The following SORL1 variants were observed in gnomAD, a reference collection of about 807,000 sequenced individuals.
SORL1 encodes sortilin-related receptor.
A neutral mutation model predicts 273.7 loss-of-function variants in SORL1; 127 were observed. The ratio of observed to expected loss-of-function variants is 0.46; its 90% CI spans 0.40 to 0.54. SORL1 has a LOEUF of 0.54. Among genes scored for constraint, SORL1 ranks in the 20% least tolerant of loss-of-function variants. SORL1 has a pLI of 0.00. For synonymous variants in SORL1, 1,031 were observed against 1,067.4 expected, an observed-to-expected ratio of 0.97 and a Z score of 0.66; for missense variants, 2,494 against 2,846.1, an observed-to-expected ratio of 0.88 and a Z score of 2.81.
intron 2 of SORL1, among the ~76,000 whole-genome samples, chr11:121,470,931 C>T (rs190486138): frequency 5.8e-4 from 88 of 152,258 alleles, no homozygotes; most frequent in African/African-American, 1.4e-3. Flanking sequence ...TCAAACAATC[C>T]GCCTGCCTCG....
At chr11:121,560,089 G>A (rs1372318495) in intron 21 of SORL1, among the ~76,000 whole-genome samples, 1 of 152,224 alleles carries the variant, frequency 6.6e-6, no homozygotes, top group Non-Finnish European at 1.5e-5. Flanking sequence ...ATTGCTCATT[G>A]ACCGTACCTA....
At chr11:121,514,446 G>A (rs781439107) in intron 8 of SORL1, 125 bp downstream of exon 8, 7 of 912,290 alleles carry the variant, frequency 7.7e-6, no homozygotes, top group Non-Finnish European at 1.1e-5. Flanking sequence ...TCGGAAACCC[G>A]ATGCCTGGCT....
At position 121,490,088 on chromosome 11, in the gene SORL1, G is replaced by C; in HGVS notation, c.736G>C (p.Glu246Gln). Residue 246 changes from glutamate (E) to glutamine (Q), a missense_variant, in exon 5 of 48, where the codon GAA (glutamate) becomes CAA (glutamine). Glu to Gln is a conservative substitution (Grantham distance 29, BLOSUM62 2). Coordinates refer to ENST00000260197, the MANE Select transcript of SORL1 (RefSeq NM_003105.6). ...DFGQTWIMIQ[E>Q]HVKSFSWGID... is the part of the protein sequence containing the mutation. ...TGGCCAGACCTGGATCATGATTCAG[G>C]AACATGTCAAGTCCTTTTCTTGGTA... 2 of 1,613,764 alleles carry C rather than the reference G, an allele frequency of 1.2e-6. No homozygotes were observed. Among genetic ancestry groups the C allele is most frequent in the South Asian group, 2.2e-5 (2 of 91,068 alleles).
chr11:121,631,209 G>GT lies in SORL1; in HGVS notation c.*1651dup. The GT allele has an allele frequency of 6.6e-6, 1 of 152,236 alleles. No individual in the cohort carries two copies. Among genetic ancestry groups the GT allele is most frequent in the South Asian group, 2.1e-4 (1 of 4,822 alleles). The allele number at this position is 152,236 out of a possible 1,614,324, so 9.4% of individuals were successfully genotyped here. ...AAGAAAGAGCCAATTAAATTTTTTA[G>GT]TTTTTGAAATTTTTATTTATATGTA... On this transcript the variant is annotated 3_prime_UTR_variant, in exon 48 of 48. Transcript: ENST00000260197.
At chr11:121,501,518 G>A (rs188834740) in intron 6 of SORL1, among the ~76,000 whole-genome samples, 1 of 152,294 alleles carries the variant, frequency 6.6e-6, no homozygotes, top group Admixed American at 6.5e-5. Flanking sequence ...GCCCGACACT[G>A]GGTTATTTAT....
Position 121,563,803 on chromosome 11 carries a change from C to T in SORL1, c.3050-3137C>T, listed in dbSNP as rs975667794. Among the ~76,000 whole-genome samples the T allele has an allele frequency of 6.6e-6, 1 of 152,178 alleles. No homozygotes were observed. The highest frequency in any genetic ancestry group is 1.9e-4 in the East Asian group (1 of 5,200). On this transcript the variant is annotated intron_variant, in intron 21 of 47. Transcript: ENST00000260197. The surrounding 1 kb of genome is among the most constrained non-coding windows in gnomAD (Gnocchi z 4.2). ...TTGTTGATGTATTCAGTTGCTCCTG[C>T]GATGGCTCTTGGAGCTTTGGAATTC...
At chr11:121,559,445 G>A (rs868156118) in intron 20 of SORL1, 74 bp from the exon 21 acceptor site, 4 of 1,459,932 alleles carry the variant, frequency 2.7e-6, no homozygotes, top group South Asian at 2.6e-5. Flanking sequence ...CTGCCTGGGG[G>A]AACTCTTACC....
chr11:121,471,597 GC>G (rs1401130857), intron 2 of SORL1, among the ~76,000 whole-genome samples: 1 of 152,204 alleles, frequency 6.6e-6, no homozygotes, highest in East Asian at 1.9e-4. Context: ...TGATGAATTT[GC>G]CAGCACTTTC....
chr11:121,610,463 AAG>A (rs1863546441), intron 38 of SORL1: 1 of 152,234 alleles, frequency 6.6e-6, no homozygotes, highest in Non-Finnish European at 1.5e-5. Flanking sequence ...AAGGAAGAGA[AAG>A]AGAGTATCAG....
At chr11:121,474,048 C>T (rs865830208) in intron 2 of SORL1, among the ~76,000 whole-genome samples, 11 of 152,310 alleles carry the variant, frequency 7.2e-5, no homozygotes, top group South Asian at 2.1e-4. Flanking sequence ...AGAGGGAGGC[C>T]GATGTCTGGC....
chr11:121,586,706 G>T (rs375731020), intron 27 of SORL1, among the ~76,000 whole-genome samples: 10 of 10,358 alleles, frequency 9.7e-4, no homozygotes, highest in East Asian at 2.3e-3. Context: ...GGGGGGGGGC[G>T]GGGGGGGGGC....
At position 121,463,415 on chromosome 11, in the gene SORL1, G is replaced by A. The variant is rs572824001; in HGVS notation, c.286-6592G>A. Among the ~76,000 whole-genome samples the A allele has an allele frequency of 1.3e-4, 20 of 152,348 alleles. No individual in the cohort carries two copies. The South Asian group carries it at 1.7e-3, about 13-fold the overall frequency. ...GTTCACCAGGACAGAGTGGCACACA[G>A]AGGTAAACAGTAGATAGGTTCTCGC... On this transcript the variant is annotated intron_variant, in intron 1 of 47. Transcript: ENST00000260197.
chr11:121,565,138 C>T (rs1565338168), intron 21 of SORL1, among the ~76,000 whole-genome samples: 1 of 152,304 alleles, frequency 6.6e-6, no homozygotes, highest in Non-Finnish European at 1.5e-5. Context: ...GCTGGTTAGT[C>T]TGCTATGGTA....
At chr11:121,585,914 A>G (rs1863097542) in intron 26 of SORL1, among the ~76,000 whole-genome samples, 1 of 152,194 alleles carries the variant, frequency 6.6e-6, no homozygotes, top group African/African-American at 2.4e-5. Flanking sequence ...CAGTTTTGCA[A>G]TGCAACACTT....
chr11:121,488,532 G>A (rs188912308), intron 4 of SORL1, among the ~76,000 whole-genome samples: 3 of 152,210 alleles, frequency 2.0e-5, no homozygotes, highest in Admixed American at 6.5e-5. Flanking sequence ...GGAGAAAGCT[G>A]GAATCTGAGC....
intron 39 of SORL1, chr11:121,612,030 A>G (rs1863571617): frequency 6.6e-6 from 1 of 152,376 alleles, no homozygotes; most frequent in South Asian, 2.1e-4. Flanking sequence ...AATCCCAGCT[A>G]CTTGGAGGCT....
At chr11:121,570,328 C>T in intron 23 of SORL1, 58 bp downstream of exon 23, 1 of 1,355,850 alleles carries the variant, frequency 7.4e-7, no homozygotes, top group Admixed American at 1.7e-5. Flanking sequence ...CTGGTTGGCT[C>T]TTCCCAGGCT....
At position 121,558,809 on chromosome 11, in the gene SORL1, C is replaced by T. The variant is rs773741710; in HGVS notation, c.2882C>T (p.Pro961Leu). 21 of 1,614,136 alleles carry T rather than the reference C, an allele frequency of 1.3e-5. No homozygotes were observed. Among genetic ancestry groups the T allele is most frequent in the Middle Eastern group, 3.3e-4 (2 of 6,062 alleles). ...CGCTCTGTCATTCTGGACAACCTCC[C>T]GCACCCCTATGCCATTGCTGTCTTT... is the stretch of plus-strand genomic sequence containing the variant. ...QQRSVILDNL[P>L]HPYAIAVFKN... The change falls in exon 20 of 48, where the codon CCG becomes CTG. Residue 961 changes from proline to leucine, a missense_variant. This residue lies in a region of SORL1 where 1,609 missense variants were observed against 1,816.4 expected (regional missense o/e 0.89). Transcript: ENST00000260197.
At chr11:121,499,932 A>G (rs1861687558) in intron 6 of SORL1, among the ~76,000 whole-genome samples, 1 of 152,206 alleles carries the variant, frequency 6.6e-6, no homozygotes, top group Non-Finnish European at 1.5e-5. Context: ...TTTGCAAGCT[A>G]CTGTTTCAGC....
Sources: gnomAD v4.1 joint callset for allele counts (sites outside exome capture counted in the v4.1 genomes callset) on GRCh38, gnomAD v4.1.1 for gene constraint, gnomAD v4.1.1 regional missense constraint, Gnocchi (gnomAD v3.1) non-coding constraint, MANE v1.5 for transcripts, NCBI Gene and HGNC (gene_info 2026-07-23, HGNC 2026-07-21) for gene names.